SLC44A5: variants seen among roughly 807,000 people sequenced by gnomAD.
SLC44A5 encodes the protein choline transporter-like protein 5.
Under a neutral mutation model 101.8 loss-of-function variants are expected in SLC44A5, and 57 were observed. That is an observed-to-expected ratio of 0.56 (90% CI 0.45 to 0.70). The LOEUF is 0.70. Among genes scored for constraint, SLC44A5 ranks in the 30% least tolerant of loss-of-function variants. SLC44A5 has a pLI of 0.00. For synonymous variants in SLC44A5, 281 were observed against 290.9 expected (o/e 0.97, Z 0.35); for missense variants, 737 against 853.1 (o/e 0.86, Z 1.70).
chr1:75,668,449 C>T, the SLC44A5 span, among the ~76,000 whole-genome samples: 4 of 149,718 alleles, frequency 2.7e-5, no homozygotes, highest in East Asian at 7.9e-4. Context: ...CTTAGCCTCC[C>T]GAGTAGCTAG....
At chr1:75,434,897 T>C (rs1048201878) in intron 2 of SLC44A5, among the ~76,000 whole-genome samples, 1 of 152,154 alleles carries the variant, frequency 6.6e-6, no homozygotes, top group Admixed American at 6.6e-5. Context: ...TTCCCTCTCA[T>C]GTACCCTGGC....
the SLC44A5 span, among the ~76,000 whole-genome samples, chr1:75,708,611 T>C: frequency 4.6e-5 from 7 of 151,992 alleles, no homozygotes; most frequent in Non-Finnish European, 1.0e-4. Flanking sequence ...AACTAAATTC[T>C]GATATTTAGT....
At chr1:75,707,459 G>A in the SLC44A5 span, among the ~76,000 whole-genome samples, 1 of 152,136 alleles carries the variant, frequency 6.6e-6, no homozygotes, top group Non-Finnish European at 1.5e-5. Context: ...GCCTGTTTAA[G>A]ATTAATTACC....
At chr1:75,719,911 G>A in the SLC44A5 span, among the ~76,000 whole-genome samples, 1,885 of 152,086 alleles carry the variant, frequency 0.012, 49 homozygotes, top group African/African-American at 0.043. Flanking sequence ...AGAAGGGTGC[G>A]TGAGACTCTA....
chr1:75,423,691 C>T (rs890548803), intron 2 of SLC44A5, among the ~76,000 whole-genome samples: 2 of 152,194 alleles, frequency 1.3e-5, no homozygotes, highest in Non-Finnish European at 2.9e-5. Context: ...ACTCCCTGCT[C>T]CCAGGACGCA....
chr1:75,682,665 T>C, the SLC44A5 span, among the ~76,000 whole-genome samples: 4 of 151,734 alleles, frequency 2.6e-5, no homozygotes, highest in Admixed American at 6.6e-5. Context: ...GAAGAAAACC[T>C]AGGCAATACC....
At chr1:75,367,945 C>T (rs1241050305) in intron 3 of SLC44A5, among the ~76,000 whole-genome samples, 4 of 152,172 alleles carry the variant, frequency 2.6e-5, no homozygotes, top group Admixed American at 6.5e-5. Context: ...AAATCGCTGA[C>T]GTCACCCCTG....
At position 75,215,825 on chromosome 1, in the gene SLC44A5, A is replaced by T. The variant is rs1646949629; in HGVS notation, c.1657T>A (p.Cys553Ser). ...TQNTLSKFLQ[C>S]CLRCCFWCLE... ...CACCAGAAGCAGCATCTCAGGCAGC[A>T]TTGTAGGAATTTAGACAATGTGTTC... Residue 553 changes from cysteine (C) to serine (S), a missense_variant, in exon 19 of 24, where the codon TGC (cysteine) becomes AGC (serine). Physicochemically the swap from Cys to Ser is moderately radical, Grantham distance 112. This residue lies in a region of SLC44A5 where 665 missense variants were observed against 764.4 expected (regional missense o/e 0.87). Coordinates refer to ENST00000370859, the MANE Select transcript of SLC44A5 (RefSeq NM_001130058.2). 1 of 1,608,130 alleles carries T rather than the reference A, an allele frequency of 6.2e-7. No homozygotes were observed. The highest frequency in any genetic ancestry group is 1.3e-5 in the African/African-American group (1 of 74,746).
At chr1:75,671,605 T>C in the SLC44A5 span, among the ~76,000 whole-genome samples, 2 of 152,206 alleles carry the variant, frequency 1.3e-5, no homozygotes, top group African/African-American at 4.8e-5. Flanking sequence ...AACTTTGACA[T>C]TGTTTTAATA....
chr1:75,569,631 T>C (rs1672969411), intron 1 of SLC44A5, among the ~76,000 whole-genome samples: 1 of 152,044 alleles, frequency 6.6e-6, no homozygotes, highest in African/African-American at 2.4e-5. Flanking sequence ...AATTCACGTA[T>C]AACTCATTAT....
chr1:75,637,030 T>A, the SLC44A5 span, among the ~76,000 whole-genome samples: 1 of 152,054 alleles, frequency 6.6e-6, no homozygotes, highest in Non-Finnish European at 1.5e-5. Flanking sequence ...TCATTAGCTG[T>A]ATGTGACTAA....
chr1:75,399,979 C>T (rs1662373577), intron 2 of SLC44A5, among the ~76,000 whole-genome samples: 1 of 152,170 alleles, frequency 6.6e-6, no homozygotes, highest in Non-Finnish European at 1.5e-5. Context: ...GGTACATACA[C>T]AACCATGGAA....
At chr1:75,360,679 T>C (rs1306427308) in intron 3 of SLC44A5, among the ~76,000 whole-genome samples, 1 of 152,226 alleles carries the variant, frequency 6.6e-6, no homozygotes, top group African/African-American at 2.4e-5. Context: ...GTGTCTGTTT[T>C]TAATGCCAGT....
chr1:75,263,663 A>G (rs1650730370), intron 6 of SLC44A5, among the ~76,000 whole-genome samples: 1 of 152,186 alleles, frequency 6.6e-6, no homozygotes, highest in Non-Finnish European at 1.5e-5. Context: ...TCATTCTACT[A>G]TAAAGACACA....
chr1:75,306,341 T>C (rs1557645045), intron 4 of SLC44A5, among the ~76,000 whole-genome samples: 1 of 152,204 alleles, frequency 6.6e-6, no homozygotes, highest in Non-Finnish European at 1.5e-5. Flanking sequence ...CAACAATCTA[T>C]GTCCCGTGAA....
Position 75,553,011 on chromosome 1 carries a change from C to T in SLC44A5, c.-69-11495G>A, listed in dbSNP as rs118157088. On this transcript the variant is annotated intron_variant, in intron 1 of 23. Transcript: ENST00000370859. ...AATCAGGACACCAGTTCAAAAATTA[C>T]GTACCAAGTCAAAAATGAAAAACTT... Among the ~76,000 whole-genome samples the T allele has an allele frequency of 3.4e-4, 51 of 152,170 alleles. No homozygotes were observed. In the East Asian group the frequency reaches 8.9e-3, roughly 26 times the overall value.
chr1:75,448,520 G>A (rs1306007105), intron 2 of SLC44A5, among the ~76,000 whole-genome samples: 1 of 152,172 alleles, frequency 6.6e-6, no homozygotes. Flanking sequence ...TGGAAGAAAG[G>A]AATAATAGAT....
the SLC44A5 span, among the ~76,000 whole-genome samples, chr1:75,681,492 G>A: frequency 5.3e-5 from 8 of 150,848 alleles, no homozygotes; most frequent in Non-Finnish European, 5.9e-5. Flanking sequence ...TATAAACAGA[G>A]CCAAAGACAA....
chr1:75,689,885 T>G, the SLC44A5 span, among the ~76,000 whole-genome samples: 1 of 152,134 alleles, frequency 6.6e-6, no homozygotes, highest in Non-Finnish European at 1.5e-5. Context: ...GTTGCAACAG[T>G]TCCATGTCAA....
Sources: gnomAD v4.1 joint callset for allele counts (sites outside exome capture counted in the v4.1 genomes callset) on GRCh38, gnomAD v4.1.1 for gene constraint, gnomAD v4.1.1 regional missense constraint, MANE v1.5 for transcripts, NCBI Gene and HGNC (gene_info 2026-07-23, HGNC 2026-07-21) for gene names.